Variants in CCR3 observed in about 807,000 individuals in gnomAD.
CCR3 encodes the protein C-C motif chemokine receptor 3.
For synonymous variants in CCR3, 203 were observed against 179.2 expected (o/e 1.13, Z -1.06); for missense variants, 419 against 437.5 (o/e 0.96, Z 0.38).
Position 46,262,715 on chromosome 3 carries a change from C to T in CCR3, c.-11-2433C>T, listed in dbSNP as rs529998156. On this transcript the variant is annotated intron_variant, in intron 1 of 1. Coordinates refer to ENST00000395940, the MANE Select transcript of CCR3 (RefSeq NM_178329.3). Reference sequence around the variant, plus strand: ...TGTCGCCCAGGCTGGAGTGCAGCGGCGTGATCACAGTTCACTGCAGCCTCA... The same window carrying T: ...TGTCGCCCAGGCTGGAGTGCAGCGGTGTGATCACAGTTCACTGCAGCCTCA... 2.9e-4 allele frequency among the ~76,000 whole-genome samples: 44 copies of T among 152,124 alleles called. 1 individual carries two copies. Among genetic ancestry groups the T allele is most frequent in the African/African-American group, 1.0e-3 (42 of 41,482 alleles).
intron 2 of CCR3, among the ~76,000 whole-genome samples, chr3:46,212,483 CT>C (rs904366508): frequency 2.7e-5 from 4 of 146,448 alleles, no homozygotes; most frequent in African/African-American, 7.5e-5. Context: ...CTTGGCCCCC[CT>C]ACCACACTCC....
intron 1 of CCR3, among the ~76,000 whole-genome samples, chr3:46,260,056 A>G (rs1443567935): frequency 2.6e-5 from 4 of 152,164 alleles, no homozygotes; most frequent in Non-Finnish European, 5.9e-5. Context: ...AGAGAAGAAG[A>G]GCTTGTGCAG....
intron 2 of CCR3, among the ~76,000 whole-genome samples, chr3:46,221,232 T>A (rs1699833417): frequency 6.6e-6 from 1 of 152,098 alleles, no homozygotes; most frequent in African/African-American, 2.4e-5. Context: ...AGCTGGTTGT[T>A]AACATTTACC....
At chr3:46,251,201 C>G (rs895145080) in intron 1 of CCR3, among the ~76,000 whole-genome samples, 1 of 152,028 alleles carries the variant, frequency 6.6e-6, no homozygotes. Context: ...GGTCTGACAC[C>G]CTTGAAACGT....
At chr3:46,242,982 C>CATATATATATATATATAT (rs10662192) in intron 1 of CCR3, among the ~76,000 whole-genome samples, 1 of 99,326 alleles carries the variant, frequency 1.0e-5, no homozygotes, top group African/African-American at 4.6e-5. Flanking sequence ...TATATATACA[C>CATATATATATATATATAT]ATATATATAT....
chr3:46,262,442 AT>A (rs1174496336), intron 1 of CCR3, among the ~76,000 whole-genome samples: 2 of 152,058 alleles, frequency 1.3e-5, no homozygotes, highest in African/African-American at 4.8e-5. Context: ...GCATGAGGAG[AT>A]TGGGTGATTT....
chr3:46,242,964 T>TATATATATATACAC (rs1559530956), intron 1 of CCR3, among the ~76,000 whole-genome samples: 6 of 63,882 alleles, frequency 9.4e-5, no homozygotes, highest in Non-Finnish European at 1.5e-4. Context: ...TATATATGTG[T>TATATATATATACAC]ATATATATAT....
intron 1 of CCR3, among the ~76,000 whole-genome samples, chr3:46,259,448 C>A (rs1700484317): frequency 6.6e-6 from 1 of 151,998 alleles, no homozygotes; most frequent in Non-Finnish European, 1.5e-5. Context: ...GGCTGATATA[C>A]AACACATGGC....
At chr3:46,232,097 TTTC>T (rs1699971162) in intron 2 of CCR3, among the ~76,000 whole-genome samples, 1 of 152,360 alleles carries the variant, frequency 6.6e-6, no homozygotes, top group Admixed American at 6.5e-5. Flanking sequence ...GTTCAATTTT[TTTC>T]TTCATCGTCA....
chr3:46,224,045 G>A (rs1207917496), intron 2 of CCR3, among the ~76,000 whole-genome samples: 2 of 152,084 alleles, frequency 1.3e-5, no homozygotes, highest in African/African-American at 2.4e-5. Context: ...ATACAAAATC[G>A]ATTAAATACT....
intron 2 of CCR3, among the ~76,000 whole-genome samples, chr3:46,218,223 A>G (rs1258856880): frequency 6.6e-6 from 1 of 152,116 alleles, no homozygotes; most frequent in Non-Finnish European, 1.5e-5. Flanking sequence ...CCTAGAGGAG[A>G]TGGATAAATT....
intron 2 of CCR3, among the ~76,000 whole-genome samples, chr3:46,222,923 C>G (rs748153572): frequency 1.3e-5 from 2 of 152,134 alleles, no homozygotes; most frequent in African/African-American, 4.8e-5. Context: ...TTGAATGTCT[C>G]CTATGTGCAA....
At chr3:46,215,373 G>T (rs1699761885) in intron 2 of CCR3, among the ~76,000 whole-genome samples, 1 of 152,172 alleles carries the variant, frequency 6.6e-6, no homozygotes, top group African/African-American at 2.4e-5. Flanking sequence ...TGGAAATGAA[G>T]GTTCTCAGGC....
At chr3:46,224,368 A>T (rs956083877) in intron 2 of CCR3, among the ~76,000 whole-genome samples, 1 of 150,760 alleles carries the variant, frequency 6.6e-6, no homozygotes, top group Non-Finnish European at 1.5e-5. Context: ...AGGCTGAGGC[A>T]GGCAGATTAC....
rs558225267 is a variant in CCR3, at chr3:46,218,755, A to C, written c.-68+7848A>C. 7.5e-4 allele frequency among the ~76,000 whole-genome samples: 115 copies of C among 152,318 alleles called. 2 individuals are homozygous for C. The highest frequency in any genetic ancestry group is 2.6e-3 in the African/African-American group (110 of 41,576). ...TATAATCATCTCAATAGATTCAGAA[A>C]AAGTATTTGACAAAATCCAGTTTCC... On this transcript the variant is annotated intron_variant, in intron 2 of 3. Transcript: ENST00000357422.
chr3:46,265,403 TC>T lies in CCR3; in HGVS notation c.246del (p.Phe83SerfsTer42). On this transcript the variant is annotated frameshift_variant, in exon 2 of 2. Transcript: ENST00000395940. LOFTEE classifies it low-confidence loss of function (END_TRUNC). ...CTCAACCTGGCCATTTCGGACCTGCTCTTCCTCGTCACCCTTCCATTCTGGA... is the reference window on the plus strand; with the variant it reads ...CTCAACCTGGCCATTTCGGACCTGCTTTCCTCGTCACCCTTCCATTCTGGA... ...YLLNLAISDLLFLVTLPFWIH... is the reference protein window; with the variant it reads ...YLLNLAISDLXFLVTLPFWIH... The T allele has an allele frequency of 6.2e-7, 1 of 1,614,202 alleles. No individual in the cohort carries two copies. Among genetic ancestry groups the T allele is most frequent in the South Asian group, 1.1e-5 (1 of 91,072 alleles).
rs35059249 is a variant in CCR3, at chr3:46,227,037, A to ATTT, written c.-67-15360_-67-15358dup. ...TGGGTGCATGCCACCATGCCTGGCT[A>ATTT]TTTTTTTATTTTTCGTATTTTTAGT... On this transcript the variant is annotated intron_variant, in intron 2 of 3. Coordinates refer to the CCR3 transcript ENST00000357422. 1.1e-4 allele frequency among the ~76,000 whole-genome samples: 16 copies of ATTT among 150,774 alleles called. No homozygotes were observed. The South Asian group carries it at 1.1e-3, about 10-fold the overall frequency.
At chr3:46,229,149 G>A (rs916265316) in intron 2 of CCR3, among the ~76,000 whole-genome samples, 1 of 152,172 alleles carries the variant, frequency 6.6e-6, no homozygotes, top group Non-Finnish European at 1.5e-5. Flanking sequence ...AGTGATATGA[G>A]CGATTTCCAG....
At chr3:46,216,265 G>A (rs1282334711) in intron 2 of CCR3, among the ~76,000 whole-genome samples, 3 of 152,130 alleles carry the variant, frequency 2.0e-5, no homozygotes, top group Admixed American at 6.5e-5. Flanking sequence ...GACACGAAAC[G>A]CCCCCCAGGT....
Sources: allele counts gnomAD v4.1 joint callset (sites outside exome capture counted in the v4.1 genomes callset), GRCh38; gene constraint gnomAD v4.1.1; transcripts MANE v1.5; gene names NCBI Gene and HGNC (gene_info 2026-07-23, HGNC 2026-07-21).